The following DIP2B variants were observed in gnomAD, a reference collection of about 807,000 sequenced individuals.
DIP2B encodes the protein DIP2 acetate--CoA ligase B (putative).
DIP2B carries 76 observed loss-of-function variants against 198.0 expected under a neutral mutation model. The ratio of observed to expected loss-of-function variants is 0.38; its 90% CI spans 0.32 to 0.46. DIP2B has a LOEUF of 0.46. Ranked by LOEUF, DIP2B falls within the 20% of genes least tolerant of loss-of-function variation. The pLI, the probability that DIP2B is intolerant of heterozygous loss-of-function variation, is 0.99. For missense variants in DIP2B, 1,559 were observed against 1,978.4 expected, an observed-to-expected ratio of 0.79 and a Z score of 4.02; for synonymous variants, 701 against 739.1, an observed-to-expected ratio of 0.95 and a Z score of 0.84.
intron 1 of DIP2B, among the ~76,000 whole-genome samples, chr12:50,616,737 C>T (rs1314007170): frequency 1.3e-5 from 2 of 152,178 alleles, no homozygotes; most frequent in East Asian, 3.9e-4. Flanking sequence ...TAGATCACCT[C>T]TGGAAGGAGG....
intron 17 of DIP2B, among the ~76,000 whole-genome samples, chr12:50,697,485 AT>A (rs1317614349): frequency 6.9e-6 from 1 of 145,826 alleles, no homozygotes; most frequent in Admixed American, 6.9e-5. Flanking sequence ...ATTCAAGACC[AT>A]TATGTATGTA....
chr12:50,716,886 C>G lies in DIP2B; in HGVS notation c.2852-1823C>G, dbSNP rs761360972. On this transcript the variant is annotated intron_variant, in intron 23 of 37. Transcript: ENST00000301180. ...CCCCCGTTTATTTTGAAGTGTCGAACCTATGGAAAAGTTAGACGAATAGTA... is the reference window on the plus strand; with the variant it reads ...CCCCCGTTTATTTTGAAGTGTCGAAGCTATGGAAAAGTTAGACGAATAGTA... 3.4e-4 allele frequency among the ~76,000 whole-genome samples: 51 copies of G among 148,856 alleles called. 1 individual carries two copies. The highest frequency in any genetic ancestry group is 1.5e-5 in the Non-Finnish European group (1 of 67,426).
At chr12:50,736,101 A>C (rs560445303) in intron 34 of DIP2B, among the ~76,000 whole-genome samples, 1 of 152,314 alleles carries the variant, frequency 6.6e-6, no homozygotes, top group East Asian at 1.9e-4. Context: ...AGGGCAGTGA[A>C]AAAATTGTGG....
rs1056335164 is a variant in DIP2B at position 50,629,947 on chromosome 12, A to T, written c.172+3900A>T. Among the ~76,000 whole-genome samples the T allele has an allele frequency of 4.4e-4, 56 of 127,194 alleles. 2 individuals carry two copies. The highest frequency in any genetic ancestry group is 8.5e-3 in the Middle Eastern group (2 of 234). 83.4% of individuals were successfully genotyped at this position (127,194 alleles called of 152,430 possible). ...TCTTGAGCCAGTTTTGGTAAATTTA[A>T]TTTTTTTTTTTTTTTTTTTAATGAG... On this transcript the variant is annotated intron_variant, in intron 2 of 37. Transcript: ENST00000301180.
Position 50,697,064 on chromosome 12 carries a change from C to T in DIP2B, c.1937C>T (p.Ser646Phe). 1 of 1,613,564 alleles carries T rather than the reference C, an allele frequency of 6.2e-7. No homozygotes were observed. The highest frequency in any genetic ancestry group is 8.5e-7 in the Non-Finnish European group (1 of 1,179,622). ...TTGATCTGTTCCAACTCCTTAGGGT[C>T]CGTGTCATCCTGTGATGCCTTCCTG... ...LIVTDGANPW[S>F]VSSCDAFLSL... is the part of the protein sequence containing the mutation. The change falls in exon 17 of 38, where the codon TCC (serine) becomes TTC (phenylalanine). Residue 646 changes from serine (S) to phenylalanine (F), a missense_variant. Transcript: ENST00000301180.
At position 50,721,265 on chromosome 12, in the gene DIP2B, G is replaced by A; in HGVS notation, c.3043-8G>A. The A allele has an allele frequency of 6.2e-7, 1 of 1,613,204 alleles. No individual in the cohort carries two copies. The highest frequency in any genetic ancestry group is 8.5e-7 in the Non-Finnish European group (1 of 1,179,552). ...CTTTGACCCGCTTATCCTTTCTGTTGTTTAAAGGGAACCACTGTATGCACA... is the reference window on the plus strand; with the variant it reads ...CTTTGACCCGCTTATCCTTTCTGTTATTTAAAGGGAACCACTGTATGCACA... On this transcript the variant is annotated splice_region_variant and splice_polypyrimidine_tract_variant and intron_variant, in intron 25 of 37. Transcript: ENST00000301180.
intron 4 of DIP2B, among the ~76,000 whole-genome samples, chr12:50,664,363 T>G (rs989898338): frequency 2.0e-5 from 3 of 152,372 alleles, no homozygotes; most frequent in Admixed American, 6.5e-5. Flanking sequence ...GTACACTAAT[T>G]TCTATCTTGT....
In DIP2B at chr12:50,505,162, C is replaced by T; in HGVS notation, c.22C>T (p.Pro8Ser). ...TGGGATGGCGGAACGAGGCCTGGAG[C>T]CGTCGCCGGCCGCGGTGGCGGCGCT... MAERGLE[P>S]SPAAVAALPP... Residue 8 changes from proline (P) to serine (S), a missense_variant, in exon 1 of 38, where the codon CCG (proline) becomes TCG (serine). Pro to Ser is a moderately conservative substitution (Grantham distance 74). Transcript: ENST00000301180. 6.5e-7 allele frequency: 1 copy of T among 1,526,838 alleles called. No individual in the cohort carries two copies. 94.6% of individuals were successfully genotyped at this position (1,526,838 alleles called of 1,614,324 possible).
In DIP2B at chr12:50,640,847, G is replaced by A. The variant is rs201893754; in HGVS notation, c.296G>A (p.Arg99Gln). The A allele has an allele frequency of 5.6e-6, 9 of 1,613,390 alleles. No individual in the cohort carries two copies. Among genetic ancestry groups the A allele is most frequent in the Non-Finnish European group, 7.6e-6 (9 of 1,179,638 alleles). ...RSGGARDERY[R>Q]SDIHTEAVQA... The stretch of plus-strand genomic sequence containing the variant: ...GGGGGAGCCAGGGATGAACGATATC[G>A]ATCAGGTGAGGAGAAGCTGCAGAAT... Residue 99 changes from arginine to glutamine, a missense_variant, in exon 3 of 38, where the codon CGA becomes CAA. Arg to Gln is a conservative substitution (Grantham distance 43). Coordinates refer to ENST00000301180, the MANE Select transcript of DIP2B (RefSeq NM_173602.3).
chr12:50,565,821 T>G (rs1252714221), intron 1 of DIP2B, among the ~76,000 whole-genome samples: 1 of 152,210 alleles, frequency 6.6e-6, no homozygotes, highest in Non-Finnish European at 1.5e-5. Flanking sequence ...AATGGAAAAA[T>G]GAAAGTCATT....
At chr12:50,548,966 G>T (rs983340588) in intron 1 of DIP2B, among the ~76,000 whole-genome samples, 1 of 152,116 alleles carries the variant, frequency 6.6e-6, no homozygotes, top group Admixed American at 6.6e-5. Context: ...GTGTGTTCAG[G>T]TTTCCTTCAC....
chr12:50,555,698 C>G (rs1029452321), intron 1 of DIP2B, among the ~76,000 whole-genome samples: 3 of 152,092 alleles, frequency 2.0e-5, no homozygotes, highest in African/African-American at 7.2e-5. Context: ...TTAATACTTA[C>G]TTTTTCCATC....
At chr12:50,695,218 TAA>T (rs1430523204) in intron 14 of DIP2B, 47 bp from the exon 15 acceptor site, 20 of 1,460,778 alleles carry the variant, frequency 1.4e-5, no homozygotes, top group Non-Finnish European at 1.8e-5. Flanking sequence ...TTTAAAATAC[TAA>T]GTATGTATTT....
At chr12:50,655,055 G>A (rs772348645) in intron 3 of DIP2B, 11 of 441,340 alleles carry the variant, frequency 2.5e-5, no homozygotes, top group South Asian at 1.7e-4. Flanking sequence ...GCCCTGATTA[G>A]TGTAAAAATA....
In DIP2B at chr12:50,531,462, A is replaced by G. The variant is rs372917560; in HGVS notation, c.100+26222A>G. 1.8e-4 allele frequency among the ~76,000 whole-genome samples: 27 copies of G among 152,366 alleles called. No homozygotes were observed. The South Asian group carries it at 2.1e-3, about 12-fold the overall frequency. On this transcript the variant is annotated intron_variant, in intron 1 of 37. Coordinates refer to ENST00000301180, the MANE Select transcript of DIP2B (RefSeq NM_173602.3). ...AGAGGTCAGAGGGGTATGAGTGACC[A>G]GAGGGAGAAGAGCAAAACAACAAGG...
At chr12:50,525,357 CAAA>C (rs71083585) in intron 1 of DIP2B, among the ~76,000 whole-genome samples, 25 of 105,810 alleles carry the variant, frequency 2.4e-4, no homozygotes, top group East Asian at 7.5e-4. Flanking sequence ...GACTCCATCT[CAAA>C]AAAAAAAAAA....
chr12:50,737,733 C>T (rs1371469222), intron 35 of DIP2B, among the ~76,000 whole-genome samples: 1 of 151,884 alleles, frequency 6.6e-6, no homozygotes, highest in South Asian at 2.1e-4. Context: ...ACTACAGGCA[C>T]GTGCCACCAT....
chr12:50,546,375 C>T (rs1958378004), intron 1 of DIP2B, among the ~76,000 whole-genome samples: 6 of 152,094 alleles, frequency 3.9e-5, no homozygotes. Context: ...TCAGGGGGTA[C>T]ATGTAAATGT....
chr12:50,692,884 G>C, intron 13 of DIP2B, 65 bp from the exon 14 acceptor site: 1 of 1,362,374 alleles, frequency 7.3e-7, no homozygotes, highest in Admixed American at 2.0e-5. Context: ...TAAGAGGCAA[G>C]TGACATAATT....
Sources: allele counts gnomAD v4.1 joint callset (sites outside exome capture counted in the v4.1 genomes callset), GRCh38; gene constraint gnomAD v4.1.1; transcripts MANE v1.5; gene names NCBI Gene and HGNC (gene_info 2026-07-23, HGNC 2026-07-21).